Variants in VPS37A observed in about 807,000 individuals in gnomAD.
The protein encoded by VPS37A is VPS37A subunit of ESCRT-I.
Under a neutral mutation model 49.8 loss-of-function variants are expected in VPS37A, and 30 were observed. The ratio of observed to expected loss-of-function variants is 0.60; its 90% confidence interval spans 0.45 to 0.82. The LOEUF (loss-of-function observed/expected upper bound fraction) is 0.82. Among genes scored for constraint, VPS37A ranks in the 40% least tolerant of loss-of-function variants. The pLI, the probability that VPS37A is intolerant of heterozygous loss-of-function variation, is 0.00. For missense variants in VPS37A, 593 were observed against 464.4 expected (o/e 1.28, Z -2.55); for synonymous variants, 195 against 160.6 (o/e 1.21, Z -1.62).
intron 5 of VPS37A, 60 bp downstream of exon 5, chr8:17,275,018 C>G: frequency 2.8e-6 from 4 of 1,453,270 alleles, no homozygotes; most frequent in Non-Finnish European, 2.9e-6. Flanking sequence ...ATCCACACAC[C>G]TTTATTACAT....
At chr8:17,324,743 G>A in the VPS37A span, among the ~76,000 whole-genome samples, 2 of 152,152 alleles carry the variant, frequency 1.3e-5, no homozygotes, top group African/African-American at 4.8e-5. Context: ...CCACTTTAAT[G>A]GGAAAATGGG....
chr8:17,255,793 G>A (rs1812395435), intron 1 of VPS37A, among the ~76,000 whole-genome samples: 1 of 152,000 alleles, frequency 6.6e-6, no homozygotes, highest in Non-Finnish European at 1.5e-5. Flanking sequence ...TGCAATGTTT[G>A]TCTTTTTGTG....
At chr8:17,325,517 T>C in the VPS37A span, among the ~76,000 whole-genome samples, 1 of 152,208 alleles carries the variant, frequency 6.6e-6, no homozygotes, top group Admixed American at 6.5e-5. Context: ...TTCCAGTCTT[T>C]TAGAATGGAT....
chr8:17,253,174 A>G (rs983723197), intron 1 of VPS37A, among the ~76,000 whole-genome samples: 1 of 152,182 alleles, frequency 6.6e-6, no homozygotes, highest in Non-Finnish European at 1.5e-5. Flanking sequence ...AATCAGCTAC[A>G]TCTGCCCCTC....
intron 4 of VPS37A, among the ~76,000 whole-genome samples, chr8:17,269,540 T>C (rs1056609795): frequency 2.0e-5 from 3 of 152,190 alleles, no homozygotes; most frequent in African/African-American, 7.2e-5. Context: ...ATGAAAAATA[T>C]CCTTTAAACC....
At chr8:17,316,329 G>C in the VPS37A span, among the ~76,000 whole-genome samples, 1 of 151,382 alleles carries the variant, frequency 6.6e-6, no homozygotes, top group South Asian at 2.1e-4. Context: ...ACTTTTTTTA[G>C]ATATCCATAT....
rs561461094 is a variant in VPS37A, at chr8:17,250,079, G to A, written c.125+2710G>A. Among the ~76,000 whole-genome samples the A allele has an allele frequency of 2.2e-4, 33 of 152,292 alleles. No homozygotes were observed. The South Asian group carries it at 5.8e-3, about 27-fold the overall frequency. On this transcript the variant is annotated intron_variant, in intron 1 of 11. Coordinates refer to ENST00000324849, the MANE Select transcript of VPS37A (RefSeq NM_152415.3). Reference sequence around the variant, plus strand: ...GAGTGAGGGTCTTCAGGGCGGAAGGGAAAGTGACCTTTCTAGATTTTTTGT... The same window carrying A: ...GAGTGAGGGTCTTCAGGGCGGAAGGAAAAGTGACCTTTCTAGATTTTTTGT...
chr8:17,318,789 G>GC, the VPS37A span, among the ~76,000 whole-genome samples: 1 of 152,206 alleles, frequency 6.6e-6, no homozygotes, highest in African/African-American at 2.4e-5. Flanking sequence ...CCAGTTCTGT[G>GC]CCCCCCAGGG....
At chr8:17,319,134 C>T in the VPS37A span, among the ~76,000 whole-genome samples, 72 of 152,296 alleles carry the variant, frequency 4.7e-4, 3 homozygotes, top group South Asian at 0.014. Context: ...GGCAATAGCA[C>T]GTAGCAATGT....
the VPS37A span, chr8:17,311,795 G>C: frequency 1.8e-6 from 2 of 1,128,312 alleles, no homozygotes; most frequent in African/African-American, 3.1e-5. Context: ...TTAGGGCAGA[G>C]CCAGAGTGGC....
intron 1 of VPS37A, among the ~76,000 whole-genome samples, chr8:17,257,784 A>T (rs1286080029): frequency 6.6e-6 from 1 of 151,820 alleles, no homozygotes; most frequent in Non-Finnish European, 1.5e-5. Flanking sequence ...ATATGTTTCC[A>T]TTTTTTTTGT....
downstream of VPS37A, chr8:17,304,500 A>G: frequency 1.2e-6 from 2 of 1,613,622 alleles, no homozygotes; most frequent in South Asian, 2.2e-5. Context: ...GCCCATAATG[A>G]GTATGTTCTT....
At chr8:17,314,285 T>C in the VPS37A span, among the ~76,000 whole-genome samples, 3 of 152,178 alleles carry the variant, frequency 2.0e-5, no homozygotes, top group Non-Finnish European at 2.9e-5. Flanking sequence ...AGATTTCTTT[T>C]TATTTTATTG....
chr8:17,317,268 G>A, the VPS37A span, among the ~76,000 whole-genome samples: 1 of 152,274 alleles, frequency 6.6e-6, no homozygotes, highest in East Asian at 1.9e-4. Flanking sequence ...GTGTGCATGG[G>A]CAGGCTTTCT....
rs988425807 is a variant in VPS37A at position 17,268,895 on chromosome 8, C to G, written c.355C>G (p.Leu119Val). Reference sequence around the variant, plus strand: ...AGATCTTGGAAAAATTATTCAGAGTCTGTTGGATGAGTTTTGGAAGAATCC... The same window carrying G: ...AGATCTTGGAAAAATTATTCAGAGTGTGTTGGATGAGTTTTGGAAGAATCC... The part of the protein sequence containing the change: ...HSDLGKIIQS[L>V]LDEFWKNPPV... The change falls in exon 4 of 12, where the codon CTG becomes GTG. Residue 119 changes from leucine to valine, a missense_variant. Transcript: ENST00000324849. 2.5e-6 allele frequency: 4 copies of G among 1,610,818 alleles called. No homozygotes were observed. The highest frequency in any genetic ancestry group is 2.7e-5 in the African/African-American group (2 of 74,840).
intron 9 of VPS37A, among the ~76,000 whole-genome samples, chr8:17,283,447 C>T (rs529260875): frequency 3.9e-5 from 6 of 152,130 alleles, no homozygotes; most frequent in African/African-American, 9.7e-5. Context: ...TGAGCCACCA[C>T]GTCAAGCAGG....
chr8:17,320,203 T>G, the VPS37A span, among the ~76,000 whole-genome samples: 1 of 152,158 alleles, frequency 6.6e-6, no homozygotes, highest in South Asian at 2.1e-4. Context: ...AGTTTAAAAT[T>G]CCAAATGTTT....
At chr8:17,302,603 T>G (rs1217776612), downstream of VPS37A, among the ~76,000 whole-genome samples, 2 of 151,708 alleles carry the variant, frequency 1.3e-5, no homozygotes, top group African/African-American at 4.8e-5. Flanking sequence ...AACTTTGAAA[T>G]TGTATATTTA....
chr8:17,308,758 C>A, the VPS37A span, among the ~76,000 whole-genome samples: 75,922 of 151,964 alleles, frequency 0.5, 19,720 homozygotes, highest in African/African-American at 0.63. Flanking sequence ...GTCAGACAGC[C>A]CAGACGTCCA....
Sources: allele counts gnomAD v4.1 joint callset (sites outside exome capture counted in the v4.1 genomes callset), GRCh38; gene constraint gnomAD v4.1.1; transcripts MANE v1.5; gene names NCBI Gene and HGNC (gene_info 2026-07-23, HGNC 2026-07-21).